Variants in SEMA3A observed in about 807,000 individuals in gnomAD.
SEMA3A encodes semaphorin-3A.
Under a neutral mutation model 97.9 loss-of-function variants are expected in SEMA3A, and 29 were observed. The observed-to-expected ratio is 0.30, with a 90% CI of 0.22 to 0.40. SEMA3A has a LOEUF of 0.40. Ranked by LOEUF, SEMA3A falls within the 10% of genes least tolerant of loss-of-function variation. SEMA3A has a pLI of 1.00. For synonymous variants in SEMA3A, 321 were observed against 323.7 expected, an observed-to-expected ratio of 0.99 and a Z score of 0.09; for missense variants, 763 against 951.3, an observed-to-expected ratio of 0.80 and a Z score of 2.60.
chr7:84,040,924 TATA>T (rs1195901456), intron 6 of SEMA3A, among the ~76,000 whole-genome samples: 1 of 152,096 alleles, frequency 6.6e-6, no homozygotes, highest in South Asian at 2.1e-4. Flanking sequence ...CTTGAGAAAA[TATA>T]ATAATACTTC....
chr7:83,980,882 A>G (rs898174809), intron 14 of SEMA3A, among the ~76,000 whole-genome samples: 4 of 152,000 alleles, frequency 2.6e-5, no homozygotes, highest in Non-Finnish European at 5.9e-5. Context: ...ATATTTTCAA[A>G]ACTAGAAATA....
intron 1 of SEMA3A, among the ~76,000 whole-genome samples, chr7:84,486,618 G>T (rs1806580441): frequency 6.6e-6 from 1 of 152,096 alleles, no homozygotes; most frequent in Non-Finnish European, 1.5e-5. Context: ...CACAAATGTT[G>T]CATGATGGAT....
At chr7:84,404,062 G>C (rs1803991059) in intron 1 of SEMA3A, among the ~76,000 whole-genome samples, 1 of 152,166 alleles carries the variant, frequency 6.6e-6, no homozygotes, top group Non-Finnish European at 1.5e-5. Flanking sequence ...TTGAAGAGTT[G>C]AGAGAAGAAG....
At chr7:84,330,628 A>T (rs1409607939) in intron 2 of SEMA3A, among the ~76,000 whole-genome samples, 3 of 152,078 alleles carry the variant, frequency 2.0e-5, no homozygotes, top group Non-Finnish European at 4.4e-5. Context: ...CAAAATAGTC[A>T]TCTACAATTG....
At chr7:84,233,473 T>C (rs946043132) in intron 3 of SEMA3A, among the ~76,000 whole-genome samples, 1 of 152,036 alleles carries the variant, frequency 6.6e-6, no homozygotes, top group Non-Finnish European at 1.5e-5. Context: ...TTCTGTGTAG[T>C]ATAATAAAAT....
At chr7:84,080,045 C>T (rs1001265796) in intron 4 of SEMA3A, among the ~76,000 whole-genome samples, 4 of 144,378 alleles carry the variant, frequency 2.8e-5, no homozygotes, top group African/African-American at 1.1e-4. Flanking sequence ...GAGTTCATGT[C>T]CTTTGTAGGG....
chr7:84,331,563 A>G (rs1408641474), intron 2 of SEMA3A, among the ~76,000 whole-genome samples: 1 of 152,086 alleles, frequency 6.6e-6, no homozygotes, highest in Non-Finnish European at 1.5e-5. Flanking sequence ...CATTATACCA[A>G]GAGAATCAGA....
chr7:83,963,278 T>G lies in SEMA3A; in HGVS notation c.1787A>C (p.Glu596Ala). The change falls in exon 16 of 17, where the codon GAA becomes GCA. Residue 596 changes from glutamate to alanine, a missense_variant. This residue lies in a region of SEMA3A where 678 missense variants were observed against 881.3 expected (regional missense o/e 0.77). Transcript: ENST00000265362. ...YGVENSSTFL[E>A]CSPKSQRALV... Reference sequence around the variant, plus strand: ...CGCTCTCTGCGACTTCGGACTGCATTCCAAAAATGTGCTACTATTCTCTAC... The same window carrying G: ...CGCTCTCTGCGACTTCGGACTGCATGCCAAAAATGTGCTACTATTCTCTAC... The G allele has an allele frequency of 6.2e-7, 1 of 1,613,834 alleles. No homozygotes were observed. Among genetic ancestry groups the G allele is most frequent in the Non-Finnish European group, 8.5e-7 (1 of 1,179,988 alleles).
intron 12 of SEMA3A, among the ~76,000 whole-genome samples, chr7:83,990,529 C>G (rs1376523178): frequency 2.2e-5 from 3 of 136,850 alleles, no homozygotes; most frequent in Non-Finnish European, 3.2e-5. Context: ...TTTCAGCTTT[C>G]TACATATGGC....
intron 3 of SEMA3A, among the ~76,000 whole-genome samples, chr7:84,213,606 C>T (rs1187721583): frequency 2.0e-5 from 3 of 152,084 alleles, no homozygotes; most frequent in East Asian, 3.9e-4. Context: ...TTTTGAAGCT[C>T]CTATTTCCCT....
rs1030804763 is a variant in SEMA3A, at chr7:84,133,846, C to A, written c.270+948G>T. Among the ~76,000 whole-genome samples the A allele has an allele frequency of 6.4e-5, 9 of 139,884 alleles. No individual in the cohort carries two copies. In the South Asian group the frequency reaches 6.8e-4, roughly 11 times the overall value. The allele number at this position is 139,884 out of a possible 152,430, so 91.8% of individuals were successfully genotyped here. On this transcript the variant is annotated intron_variant, in intron 2 of 16. Transcript: ENST00000265362. ...CGGGCGGATCACTTGATCAGGAGAT[C>A]GAGACCATCCTGGCTAACACGGTGA... is the stretch of plus-strand genomic sequence containing the variant.
intron 3 of SEMA3A, among the ~76,000 whole-genome samples, chr7:84,220,826 G>A (rs1798861067): frequency 6.6e-6 from 1 of 152,162 alleles, no homozygotes; most frequent in African/African-American, 2.4e-5. Context: ...CACAGGCAGA[G>A]TAGATTTAGC....
intron 6 of SEMA3A, among the ~76,000 whole-genome samples, chr7:84,015,278 C>T (rs995847860): frequency 3.4e-4 from 52 of 151,858 alleles, no homozygotes; most frequent in African/African-American, 8.0e-4. Flanking sequence ...TTTGTTGATG[C>T]GGTGAACCTA....
chr7:84,417,303 G>T (rs1449193052), intron 1 of SEMA3A, among the ~76,000 whole-genome samples: 2 of 151,942 alleles, frequency 1.3e-5, no homozygotes, highest in Non-Finnish European at 2.9e-5. Context: ...CTGTTAACTT[G>T]ATAAAAACCT....
chr7:84,482,170 T>G (rs1379817954), intron 1 of SEMA3A, among the ~76,000 whole-genome samples: 3 of 152,122 alleles, frequency 2.0e-5, no homozygotes, highest in African/African-American at 7.2e-5. Context: ...TGAGGTAGTG[T>G]TATTAATGTT....
At chr7:84,274,396 GAAGA>G (rs1286455518) in intron 3 of SEMA3A, among the ~76,000 whole-genome samples, 1 of 152,052 alleles carries the variant, frequency 6.6e-6, no homozygotes, top group Non-Finnish European at 1.5e-5. Context: ...GGAGTAGAGA[GAAGA>G]AAGAGAGTAG....
At position 84,435,254 on chromosome 7, in the gene SEMA3A, TACAC is replaced by T. The variant is rs34631045; in HGVS notation, c.-246+57202_-246+57205del. Among the ~76,000 whole-genome samples the T allele has an allele frequency of 1.9e-3, 283 of 148,128 alleles. 3 individuals are homozygous for T. The highest frequency in any genetic ancestry group is 6.2e-3 in the South Asian group (29 of 4,656). On this transcript the variant is annotated intron_variant, in intron 1 of 3. Transcript: ENST00000424555. ...AGAGTGTGATCCCATGTACAACAGCTACACACACACACACACACACACACACTAC... is the reference window on the plus strand; with the variant it reads ...AGAGTGTGATCCCATGTACAACAGCTACACACACACACACACACACACTAC...
chr7:84,484,486 T>C (rs905069292), intron 1 of SEMA3A, among the ~76,000 whole-genome samples: 5 of 152,048 alleles, frequency 3.3e-5, no homozygotes, highest in Admixed American at 6.6e-5. Context: ...GAGTATCTAA[T>C]AGGAATCCTG....
chr7:84,249,593 T>C (rs1235754402), intron 3 of SEMA3A, among the ~76,000 whole-genome samples: 2 of 152,074 alleles, frequency 1.3e-5, no homozygotes, highest in East Asian at 1.9e-4. Context: ...TAAAAATGTA[T>C]TCATTAGGAA....
Sources: allele counts gnomAD v4.1 joint callset (sites outside exome capture counted in the v4.1 genomes callset), GRCh38; gene constraint gnomAD v4.1.1; regional missense constraint gnomAD v4.1.1; transcripts MANE v1.5; gene names NCBI Gene and HGNC (gene_info 2026-07-23, HGNC 2026-07-21).